The following SAMD12 variants were observed in gnomAD, a reference collection of about 807,000 sequenced individuals.
The protein encoded by SAMD12 is sterile alpha motif domain containing 12.
A neutral mutation model predicts 15.0 loss-of-function variants in SAMD12; 9 were observed. The ratio of observed to expected loss-of-function variants is 0.60; its 90% CI spans 0.36 to 1.05. The LOEUF (loss-of-function observed/expected upper bound fraction) is 1.05. Among genes scored for constraint, SAMD12 ranks in the 50% least tolerant of loss-of-function variants. The pLI is 0.01. For synonymous variants in SAMD12, 86 were observed against 90.1 expected (o/e 0.96, Z 0.25); for missense variants, 230 against 234.2 (o/e 0.98, Z 0.12).
chr8:118,143,643 A>T, the SAMD12 span, among the ~76,000 whole-genome samples: 2 of 152,210 alleles, frequency 1.3e-5, no homozygotes, highest in African/African-American at 4.8e-5. Context: ...GACTGCAGAG[A>T]ATCCACAGCA....
intron 4 of SAMD12, chr8:118,282,047 G>A (rs1364999681): frequency 3.1e-6 from 1 of 322,638 alleles, no homozygotes; most frequent in Non-Finnish European, 6.1e-6. Context: ...TGGAGACGAG[G>A]GTAACCAAGT....
intron 2 of SAMD12, among the ~76,000 whole-genome samples, chr8:118,494,165 G>A (rs1824532306): frequency 6.6e-6 from 1 of 152,148 alleles, no homozygotes. Flanking sequence ...AGATGTGGAA[G>A]GGGCCGCAAG....
Position 118,620,277 on chromosome 8 carries a change from C to G in SAMD12, c.13+1527G>C, listed in dbSNP as rs143689079. On this transcript the variant is annotated intron_variant, in intron 1 of 3. Transcript: ENST00000314727. ...ATAATCAGTGTCACCTGATGGGTGACATAGAACGGACACTTAAGGAGTAGG... is the reference window on the plus strand; with the variant it reads ...ATAATCAGTGTCACCTGATGGGTGAGATAGAACGGACACTTAAGGAGTAGG... Among the ~76,000 whole-genome samples the G allele has an allele frequency of 1.5e-3, 226 of 151,748 alleles. 1 individual carries two copies. The highest frequency in any genetic ancestry group is 2.9e-3 in the Non-Finnish European group (199 of 67,994).
At chr8:118,403,919 C>T (rs1452025166) in intron 3 of SAMD12, among the ~76,000 whole-genome samples, 1 of 152,184 alleles carries the variant, frequency 6.6e-6, no homozygotes, top group Non-Finnish European at 1.5e-5. Context: ...AGACAATATA[C>T]TGCCTTTGGT....
chr8:118,276,594 A>G (rs1217388114), intron 4 of SAMD12, among the ~76,000 whole-genome samples: 3 of 152,140 alleles, frequency 2.0e-5, no homozygotes, highest in African/African-American at 7.2e-5. Context: ...TAACAGTTGG[A>G]TTGATTTTAT....
At chr8:118,580,415 A>G (rs1423349365) in intron 2 of SAMD12, among the ~76,000 whole-genome samples, 2 of 152,134 alleles carry the variant, frequency 1.3e-5, no homozygotes, top group Non-Finnish European at 2.9e-5. Context: ...TCCCAACACC[A>G]TAGAGTGGTA....
At chr8:118,325,262 C>T (rs28399719) in intron 4 of SAMD12, among the ~76,000 whole-genome samples, 2,406 of 152,204 alleles carry the variant, frequency 0.016, 31 homozygotes, top group South Asian at 0.04. Context: ...AGGAATGCCA[C>T]AAATGTAGCT....
intron 4 of SAMD12, among the ~76,000 whole-genome samples, chr8:118,330,205 T>C (rs1484983780): frequency 6.6e-6 from 1 of 152,208 alleles, no homozygotes; most frequent in Non-Finnish European, 1.5e-5. Context: ...AGACACAAGA[T>C]GTAGCTACGT....
chr8:118,467,040 T>C (rs1384090616), intron 2 of SAMD12, among the ~76,000 whole-genome samples: 1 of 152,186 alleles, frequency 6.6e-6, no homozygotes, highest in Non-Finnish European at 1.5e-5. Flanking sequence ...TGATTACTAG[T>C]AGTAGTCACA....
At chr8:118,504,545 C>T (rs773246662) in intron 2 of SAMD12, among the ~76,000 whole-genome samples, 4 of 152,084 alleles carry the variant, frequency 2.6e-5, no homozygotes, top group Non-Finnish European at 4.4e-5. Context: ...AAAAGTTATG[C>T]CCATGTCTTA....
intron 3 of SAMD12, among the ~76,000 whole-genome samples, chr8:118,394,309 T>G (rs1397579200): frequency 6.6e-6 from 1 of 152,340 alleles, no homozygotes; most frequent in Middle Eastern, 3.4e-3. Flanking sequence ...TCTGATGAGC[T>G]TCAAGGGTTG....
chr8:118,177,933 A>G, the SAMD12 span, among the ~76,000 whole-genome samples: 1 of 152,162 alleles, frequency 6.6e-6, no homozygotes, highest in South Asian at 2.1e-4. Context: ...CATCTGGTCT[A>G]ACCACACTGC....
In SAMD12 at chr8:118,266,664, G is replaced by T. The variant is rs537540078; in HGVS notation, c.434-68932C>A. Among the ~76,000 whole-genome samples, 7 of 152,158 alleles carry T rather than the reference G, an allele frequency of 4.6e-5. No individual in the cohort carries two copies. In the South Asian group the frequency reaches 1.2e-3, roughly 27 times the overall value. On this transcript the variant is annotated intron_variant, in intron 4 of 4. Transcript: ENST00000409003. ...TGCAATCCTATTTGTCTTTAAAAAA[G>T]AAGATCCTGTCATTTGCAATAATGT...
intron 2 of SAMD12, among the ~76,000 whole-genome samples, chr8:118,510,127 T>C (rs1380638179): frequency 1.3e-5 from 2 of 152,262 alleles, no homozygotes; most frequent in East Asian, 3.9e-4. Context: ...GCTAATACTT[T>C]AGAATCATCA....
intron 3 of SAMD12, among the ~76,000 whole-genome samples, chr8:118,385,464 C>T (rs572462396): frequency 1.3e-5 from 2 of 152,196 alleles, no homozygotes; most frequent in Admixed American, 1.3e-4. Context: ...AGCCTTTCAA[C>T]TCCAACTGGG....
intron 3 of SAMD12, among the ~76,000 whole-genome samples, chr8:118,413,991 T>TA (rs1201756462): frequency 6.6e-6 from 1 of 152,076 alleles, no homozygotes; most frequent in Non-Finnish European, 1.5e-5. Context: ...TGTTTATGGG[T>TA]AAAAAGGTAT....
chr8:118,386,613 C>T (rs1819978476), intron 3 of SAMD12, among the ~76,000 whole-genome samples: 1 of 152,144 alleles, frequency 6.6e-6, no homozygotes, highest in South Asian at 2.1e-4. Context: ...TCATTGTGCT[C>T]CTCATGGAGA....
intron 2 of SAMD12, among the ~76,000 whole-genome samples, chr8:118,574,295 G>A (rs1364660735): frequency 1.3e-5 from 2 of 152,192 alleles, no homozygotes; most frequent in Non-Finnish European, 2.9e-5. Context: ...ATTGTCAAAT[G>A]GCATATCCTG....
chr8:118,492,830 T>G (rs1824489309), intron 2 of SAMD12, among the ~76,000 whole-genome samples: 1 of 152,182 alleles, frequency 6.6e-6, no homozygotes, highest in South Asian at 2.1e-4. Context: ...AAAGCTAATA[T>G]TCTACTGTTT....
Sources: gnomAD v4.1 joint callset for allele counts (sites outside exome capture counted in the v4.1 genomes callset) on GRCh38, gnomAD v4.1.1 for gene constraint, MANE v1.5 for transcripts, NCBI Gene and HGNC (gene_info 2026-07-23, HGNC 2026-07-21) for gene names.